Variants in XIRP2 observed in about 807,000 individuals in gnomAD.
XIRP2 encodes xin actin-binding repeat-containing protein 2.
XIRP2 carries 236 observed loss-of-function variants against 277.0 expected under a neutral mutation model. That is an observed-to-expected ratio of 0.85 (90% CI 0.77 to 0.95). The LOEUF (loss-of-function observed/expected upper bound fraction) is 0.95. Among genes scored for constraint, XIRP2 ranks in the 40% least tolerant of loss-of-function variants. The pLI, the probability that XIRP2 is intolerant of heterozygous loss-of-function variation, is 0.00. For synonymous variants in XIRP2, 1,490 were observed against 1,416.5 expected (o/e 1.05, Z -1.17); for missense variants, 4,640 against 4,157.5 (o/e 1.12, Z -3.19).
chr2:167,019,017 C>T (rs932054455), intron 2 of XIRP2, among the ~76,000 whole-genome samples: 1 of 151,842 alleles, frequency 6.6e-6, no homozygotes, highest in African/African-American at 2.4e-5. Context: ...TATTGCTGAG[C>T]AAGAGTTTGC....
At chr2:167,142,546 C>CA (rs771376568) in intron 3 of XIRP2, among the ~76,000 whole-genome samples, 14 of 149,856 alleles carry the variant, frequency 9.3e-5, no homozygotes, top group African/African-American at 2.7e-4. Flanking sequence ...GGCTCCATCA[C>CA]AAAAAATAAT....
chr2:167,025,028 G>A (rs998488999), intron 2 of XIRP2, among the ~76,000 whole-genome samples: 10 of 152,038 alleles, frequency 6.6e-5, no homozygotes, highest in Admixed American at 5.2e-4. Context: ...CAGAAGGAAT[G>A]GTACCAGTTC....
intron 3 of XIRP2, among the ~76,000 whole-genome samples, chr2:167,195,476 C>A (rs995357843): frequency 6.6e-6 from 1 of 152,220 alleles, no homozygotes; most frequent in African/African-American, 2.4e-5. Flanking sequence ...ATAGTCTCCA[C>A]ATTCTTAGCA....
chr2:167,206,136 T>A (rs1158280549), intron 3 of XIRP2, among the ~76,000 whole-genome samples: 2 of 152,204 alleles, frequency 1.3e-5, no homozygotes, highest in African/African-American at 4.8e-5. Flanking sequence ...AACTGCAGAA[T>A]TTTTCTTTTT....
At chr2:167,070,705 GT>G (rs1191982244) in intron 2 of XIRP2, among the ~76,000 whole-genome samples, 1 of 152,116 alleles carries the variant, frequency 6.6e-6, no homozygotes, top group Non-Finnish European at 1.5e-5. Flanking sequence ...CAATATGTCT[GT>G]TGGTGGAAAG....
chr2:166,905,999 C>T (rs1388095482), intron 2 of XIRP2, among the ~76,000 whole-genome samples: 1 of 151,854 alleles, frequency 6.6e-6, no homozygotes, highest in Non-Finnish European at 1.5e-5. Context: ...ATTATAAAGT[C>T]ATGATATAAT....
chr2:167,102,116 G>A (rs1690502029), intron 2 of XIRP2, among the ~76,000 whole-genome samples: 1 of 152,190 alleles, frequency 6.6e-6, no homozygotes, highest in South Asian at 2.1e-4. Context: ...AGGAAGGTAA[G>A]TGGTTGCCCT....
At chr2:167,229,660 G>A (rs1694698676) in intron 5 of XIRP2, among the ~76,000 whole-genome samples, 1 of 152,004 alleles carries the variant, frequency 6.6e-6, no homozygotes, top group Admixed American at 6.6e-5. Flanking sequence ...TGATTGGATT[G>A]AGTCAAGCTT....
At chr2:166,902,202 C>A (rs951981760) in intron 1 of XIRP2, among the ~76,000 whole-genome samples, 2 of 152,018 alleles carry the variant, frequency 1.3e-5, no homozygotes, top group African/African-American at 2.4e-5. Flanking sequence ...ATTTAGTGGG[C>A]AGCACACATT....
At chr2:167,065,973 A>G (rs1475847630) in intron 2 of XIRP2, among the ~76,000 whole-genome samples, 2 of 151,948 alleles carry the variant, frequency 1.3e-5, no homozygotes, top group African/African-American at 4.8e-5. Context: ...TACACACTTA[A>G]TGTATGCAAT....
At chr2:167,213,782 TA>T (rs1694131938) in intron 4 of XIRP2, among the ~76,000 whole-genome samples, 1 of 152,114 alleles carries the variant, frequency 6.6e-6, no homozygotes. Flanking sequence ...CTCACATGTG[TA>T]AACTTTCATC....
chr2:167,022,049 TTAA>T (rs1664529882), intron 2 of XIRP2, among the ~76,000 whole-genome samples: 1 of 152,128 alleles, frequency 6.6e-6, no homozygotes, highest in South Asian at 2.1e-4. Flanking sequence ...ATGTAATATA[TTAA>T]TGATGGCTAC....
chr2:166,982,752 T>A (rs1686908100), intron 2 of XIRP2, among the ~76,000 whole-genome samples: 1 of 152,234 alleles, frequency 6.6e-6, no homozygotes. Flanking sequence ...ATTTTCTTTT[T>A]GTTCCTGTAC....
At chr2:166,913,787 T>G (rs975311679) in intron 2 of XIRP2, among the ~76,000 whole-genome samples, 2 of 152,190 alleles carry the variant, frequency 1.3e-5, no homozygotes, top group African/African-American at 4.8e-5. Flanking sequence ...ACAGGTAAGT[T>G]TAACTAAATA....
intron 3 of XIRP2, among the ~76,000 whole-genome samples, chr2:167,208,469 G>A (rs1379439612): frequency 6.6e-6 from 1 of 152,096 alleles, no homozygotes; most frequent in Non-Finnish European, 1.5e-5. Flanking sequence ...CACCATGCCT[G>A]GCTAATTTTT....
At chr2:167,142,552 A>G (rs1691750701) in intron 3 of XIRP2, among the ~76,000 whole-genome samples, 1 of 152,058 alleles carries the variant, frequency 6.6e-6, no homozygotes, top group African/African-American at 2.4e-5. Flanking sequence ...ATCACAAAAA[A>G]TAATAAAAAA....
At chr2:167,046,547 A>G (rs1176260893) in intron 2 of XIRP2, among the ~76,000 whole-genome samples, 1 of 152,048 alleles carries the variant, frequency 6.6e-6, no homozygotes, top group African/African-American at 2.4e-5. Flanking sequence ...GGTGGACTGC[A>G]TAAAGAAAAT....
intron 2 of XIRP2, among the ~76,000 whole-genome samples, chr2:166,962,446 A>G (rs888455123): frequency 1.3e-5 from 2 of 151,712 alleles, no homozygotes; most frequent in South Asian, 4.1e-4. Flanking sequence ...ATCAAGATTG[A>G]TTTGTTTATA....
intron 5 of XIRP2, among the ~76,000 whole-genome samples, chr2:167,238,561 A>G (rs1001655277): frequency 1.3e-5 from 2 of 152,160 alleles, no homozygotes; most frequent in East Asian, 3.9e-4. Context: ...CATTAATTTT[A>G]TACCAATTAT....
Sources: gnomAD v4.1 joint callset for allele counts (sites outside exome capture counted in the v4.1 genomes callset) on GRCh38, gnomAD v4.1.1 for gene constraint, MANE v1.5 for transcripts, NCBI Gene and HGNC (gene_info 2026-07-23, HGNC 2026-07-21) for gene names.